PCSK5: variants seen among roughly 807,000 people sequenced by gnomAD.
PCSK5 encodes the protein prohormone convertase 5.
PCSK5 carries 129 observed loss-of-function variants against 233.2 expected under a neutral mutation model. The ratio of observed to expected loss-of-function variants is 0.55; its 90% CI spans 0.48 to 0.64. The LOEUF (loss-of-function observed/expected upper bound fraction) is 0.64, where lower values mean the gene tolerates loss of function less well. Among genes scored for constraint, PCSK5 ranks in the 30% least tolerant of loss-of-function variants. The pLI is 0.00. For missense variants in PCSK5, 2,076 were observed against 2,430.1 expected (o/e 0.85, Z 3.06); for synonymous variants, 825 against 879.2 (o/e 0.94, Z 1.09).
chr9:76,000,984 T>C (rs935572069), intron 3 of PCSK5, among the ~76,000 whole-genome samples: 5 of 152,092 alleles, frequency 3.3e-5, no homozygotes, highest in Non-Finnish European at 7.4e-5. Context: ...TGCTGTTGGA[T>C]TAATATTTAG....
At chr9:76,220,577 C>T (rs1440739703) in intron 20 of PCSK5, among the ~76,000 whole-genome samples, 1 of 150,204 alleles carries the variant, frequency 6.7e-6, no homozygotes, top group Non-Finnish European at 1.5e-5. Flanking sequence ...CTCCATCCCA[C>T]CCCCAAACCC....
chr9:76,059,323 G>T (rs550889168), intron 5 of PCSK5, among the ~76,000 whole-genome samples: 10 of 152,312 alleles, frequency 6.6e-5, no homozygotes, highest in African/African-American at 2.4e-4. Context: ...TGTTCACTCT[G>T]ATGGTAGTTT....
intron 3 of PCSK5, among the ~76,000 whole-genome samples, chr9:75,991,111 G>A (rs962144222): frequency 2.4e-4 from 36 of 152,126 alleles, no homozygotes; most frequent in African/African-American, 8.2e-4. Flanking sequence ...ATGAGGAAAT[G>A]AAAGCAAAGA....
At position 75,981,125 on chromosome 9, in the gene PCSK5, C is replaced by T. The variant is rs148528708; in HGVS notation, c.298-5007C>T. On this transcript the variant is annotated intron_variant, in intron 2 of 37. Transcript: ENST00000674117. ...TCATAGAGTAACATATGATTTACTA[C>T]ACTCCTTTATGAATATTAATCTCGT... 5.7e-3 allele frequency among the ~76,000 whole-genome samples: 872 copies of T among 152,308 alleles called. 8 individuals carry two copies. The highest frequency in any genetic ancestry group is 0.01 in the Middle Eastern group (3 of 294).
At chr9:76,238,037 C>A (rs1826305731) in intron 22 of PCSK5, among the ~76,000 whole-genome samples, 1 of 152,048 alleles carries the variant, frequency 6.6e-6, no homozygotes, top group Admixed American at 6.6e-5. Context: ...ACGAATGAAC[C>A]CTAGACCCCG....
chr9:76,076,899 T>A (rs1312532750), intron 7 of PCSK5, among the ~76,000 whole-genome samples: 1 of 152,178 alleles, frequency 6.6e-6, no homozygotes, highest in Non-Finnish European at 1.5e-5. Context: ...CTGCATACAA[T>A]TAATAGTAAT....
intron 2 of PCSK5, among the ~76,000 whole-genome samples, chr9:75,938,780 T>C (rs999754033): frequency 6.6e-6 from 1 of 152,234 alleles, no homozygotes; most frequent in Admixed American, 6.5e-5. Flanking sequence ...AGGCAAGTGT[T>C]GGTGTGACAA....
chr9:76,060,270 T>C (rs537455436), intron 5 of PCSK5, among the ~76,000 whole-genome samples: 162 of 152,314 alleles, frequency 1.1e-3, no homozygotes, highest in African/African-American at 3.8e-3. Flanking sequence ...GGAAGCCTTA[T>C]TAATAAAAAT....
At chr9:76,161,330 G>C (rs1822843106) in intron 12 of PCSK5, among the ~76,000 whole-genome samples, 1 of 152,104 alleles carries the variant, frequency 6.6e-6, no homozygotes, top group African/African-American at 2.4e-5. Context: ...GGTAATTGCA[G>C]GTACCTGCCT....
At chr9:76,141,254 TACAC>T (rs893907824) in intron 10 of PCSK5, among the ~76,000 whole-genome samples, 2 of 151,208 alleles carry the variant, frequency 1.3e-5, no homozygotes, top group Non-Finnish European at 3.0e-5. Context: ...CTTAGCAAAG[TACAC>T]ACACACACAC....
chr9:76,337,496 C>T lies in PCSK5; in HGVS notation c.4749-734C>T, dbSNP rs115036881. Among the ~76,000 whole-genome samples the T allele has an allele frequency of 3.2e-3, 480 of 151,892 alleles. 2 individuals are homozygous for T. Among genetic ancestry groups the T allele is most frequent in the African/African-American group, 0.011 (460 of 41,434 alleles). ...GCCAGATGGATCTCTTTTTTTGAGA[C>T]GGAGTCTCACATTATCGCCTAGGAT... On this transcript the variant is annotated intron_variant, in intron 34 of 37. Transcript: ENST00000674117.
intron 24 of PCSK5, among the ~76,000 whole-genome samples, chr9:76,281,141 G>A (rs1420205544): frequency 6.6e-6 from 1 of 152,234 alleles, no homozygotes; most frequent in Non-Finnish European, 1.5e-5. Context: ...GCAGCAAATG[G>A]TTCAGCTAAG....
chr9:76,158,703 A>G (rs141661940), intron 11 of PCSK5, among the ~76,000 whole-genome samples: 121 of 152,252 alleles, frequency 7.9e-4, no homozygotes, highest in Middle Eastern at 3.4e-3. Context: ...GGGGCCAGCA[A>G]TCTGTGTTTT....
intron 24 of PCSK5, among the ~76,000 whole-genome samples, chr9:76,253,461 T>C (rs991979861): frequency 6.6e-6 from 1 of 152,146 alleles, no homozygotes; most frequent in East Asian, 1.9e-4. Flanking sequence ...CACAGATGGG[T>C]ACTAAGAAGA....
At chr9:76,309,184 C>T (rs1167918126) in intron 29 of PCSK5, among the ~76,000 whole-genome samples, 1 of 152,070 alleles carries the variant, frequency 6.6e-6, no homozygotes, top group Non-Finnish European at 1.5e-5. Flanking sequence ...TGCCACTGCA[C>T]TCCAGCCTGG....
At chr9:76,120,233 T>C (rs1832580904) in intron 9 of PCSK5, among the ~76,000 whole-genome samples, 1 of 152,142 alleles carries the variant, frequency 6.6e-6, no homozygotes, top group Admixed American at 6.5e-5. Context: ...GTTGCATTTA[T>C]GAGGATCTCC....
intron 24 of PCSK5, among the ~76,000 whole-genome samples, chr9:76,278,232 T>C (rs1020341547): frequency 3.3e-5 from 5 of 152,096 alleles, no homozygotes; most frequent in Admixed American, 6.6e-5. Flanking sequence ...CTTTGCAAAA[T>C]TGTATCAGAA....
At chr9:76,282,119 G>C (rs145831237) in intron 24 of PCSK5, among the ~76,000 whole-genome samples, 1 of 27,326 alleles carries the variant, frequency 3.7e-5, no homozygotes, top group African/African-American at 1.0e-4. Flanking sequence ...TCTTTTCTTT[G>C]CTTTTTTTTT....
At chr9:76,083,555 C>T (rs1564015761) in intron 7 of PCSK5, among the ~76,000 whole-genome samples, 2 of 152,222 alleles carry the variant, frequency 1.3e-5, no homozygotes, top group Non-Finnish European at 2.9e-5. Context: ...CCCATCCTGA[C>T]TCTATTGTAT....
Sources: allele counts gnomAD v4.1 joint callset (sites outside exome capture counted in the v4.1 genomes callset), GRCh38; gene constraint gnomAD v4.1.1; transcripts MANE v1.5; gene names NCBI Gene and HGNC (gene_info 2026-07-23, HGNC 2026-07-21).